Variants in TRPM6 observed in about 807,000 individuals in gnomAD.
TRPM6 encodes the protein transient receptor potential cation channel subfamily M member 6, also known as channel kinase 2.
Under a neutral mutation model 247.6 loss-of-function variants are expected in TRPM6, and 111 were observed. The ratio of observed to expected loss-of-function variants is 0.45; its 90% CI spans 0.38 to 0.52. TRPM6 has a LOEUF of 0.52. Ranked by LOEUF, TRPM6 falls within the 20% of genes least tolerant of loss-of-function variation. The pLI is 0.00. For synonymous variants in TRPM6, 892 were observed against 853.8 expected (o/e 1.04, Z -0.78); for missense variants, 2,126 against 2,421.5 (o/e 0.88, Z 2.56).
rs1404426496 is a variant in TRPM6, at chr9:74,802,175, C to G, written c.1732G>C (p.Glu578Gln). 2 of 1,613,366 alleles carry G rather than the reference C, an allele frequency of 1.2e-6. No individual in the cohort carries two copies. Among genetic ancestry groups the G allele is most frequent in the Non-Finnish European group, 8.5e-7 (1 of 1,179,606 alleles). Residue 578 changes from glutamate (E) to glutamine (Q), a missense_variant and splice_region_variant, in exon 16 of 39, where the codon GAA (glutamate) becomes CAA (glutamine). Physicochemically the swap from Glu to Gln is conservative, Grantham distance 29. Around this residue, in one of 3 missense-constraint regions of TRPM6, gnomAD observed 1,082 missense variants for 1,307.9 expected, o/e 0.83. Coordinates refer to ENST00000360774, the MANE Select transcript of TRPM6 (RefSeq NM_017662.5). ...GATTTATGAAGGACTATAGACTTTTCCTGTTGGAAAATAAAATAGGAATGA... is the reference window on the plus strand; with the variant it reads ...GATTTATGAAGGACTATAGACTTTTGCTGTTGGAAAATAAAATAGGAATGA... ...IRTAQPYKFK[E>Q]KSIVLHKSRK...
At chr9:74,831,568 A>T (rs1829548270) in intron 6 of TRPM6, among the ~76,000 whole-genome samples, 1 of 152,186 alleles carries the variant, frequency 6.6e-6, no homozygotes, top group South Asian at 2.1e-4. Flanking sequence ...AAATATACAC[A>T]ATGAGCCTGG....
chr9:74,849,468 A>T (rs1292869429), intron 3 of TRPM6, among the ~76,000 whole-genome samples: 1 of 152,196 alleles, frequency 6.6e-6, no homozygotes, highest in African/African-American at 2.4e-5. Flanking sequence ...CACACAGAGA[A>T]AAACCATCTG....
Position 74,887,836 on chromosome 9 carries a change from C to CA in TRPM6, c.20dup (p.Leu7PhefsTer12). The CA allele has an allele frequency of 6.2e-7, 1 of 1,614,128 alleles. No homozygotes were observed. The highest frequency in any genetic ancestry group is 8.5e-7 in the Non-Finnish European group (1 of 1,180,034). On this transcript the variant is annotated frameshift_variant, in exon 1 of 39. Coordinates refer to ENST00000360774, the MANE Select transcript of TRPM6 (RefSeq NM_017662.5). LOFTEE classifies it high-confidence loss of function. ...AGCCTGAGCTTACCTGCAAGCGCTC[C>CA]AAGACAGGTTGTTCTTTCATCTTTG...
At chr9:74,725,103 C>G (rs989820870) in intron 38 of TRPM6, among the ~76,000 whole-genome samples, 1 of 152,104 alleles carries the variant, frequency 6.6e-6, no homozygotes, top group South Asian at 2.1e-4. Flanking sequence ...GAGAGGTCAG[C>G]CAAGAAGGCT....
intron 38 of TRPM6, among the ~76,000 whole-genome samples, chr9:74,725,411 A>ATACATAT (rs1287756240): frequency 6.6e-6 from 1 of 152,174 alleles, no homozygotes; most frequent in Non-Finnish European, 1.5e-5. Flanking sequence ...AATAAAACTA[A>ATACATAT]TACATATTAT....
chr9:74,781,536 C>CAAAAAAAAAAAAAAA (rs35938872), intron 23 of TRPM6, among the ~76,000 whole-genome samples: 1 of 93,522 alleles, frequency 1.1e-5, no homozygotes, highest in Non-Finnish European at 2.0e-5. Flanking sequence ...GACTCTATCT[C>CAAAAAAAAAAAAAAA]AAAAAAAAAA....
At chr9:74,794,912 C>G (rs1828035812) in intron 18 of TRPM6, among the ~76,000 whole-genome samples, 1 of 122,706 alleles carries the variant, frequency 8.1e-6, no homozygotes, top group Non-Finnish European at 1.6e-5. Context: ...TAATTGTAAT[C>G]TGATACACAG....
chr9:74,843,868 G>C (rs1029344285), intron 3 of TRPM6, among the ~76,000 whole-genome samples: 8 of 151,928 alleles, frequency 5.3e-5, no homozygotes, highest in Non-Finnish European at 8.8e-5. Context: ...TGATCCATGG[G>C]CTGGGGCTGC....
intron 1 of TRPM6, among the ~76,000 whole-genome samples, chr9:74,873,037 C>T (rs924259130): frequency 6.6e-6 from 1 of 152,214 alleles, no homozygotes; most frequent in Non-Finnish European, 1.5e-5. Context: ...CTTTACAGAG[C>T]ATTGCCTGCC....
In TRPM6 at chr9:74,865,589, C is replaced by A. The variant is rs888269862; in HGVS notation, c.34-6841G>T. On this transcript the variant is annotated intron_variant, in intron 1 of 38. Transcript: ENST00000360774. ...ATTTTCCACCTACATGCACTCAATT[C>A]TCTCCAATTTCCAAGCTCCAAAATG... Among the ~76,000 whole-genome samples, 4 of 152,210 alleles carry A rather than the reference C, an allele frequency of 2.6e-5. No individual in the cohort carries two copies. In the East Asian group the frequency reaches 7.7e-4, roughly 29 times the overall value.
intron 7 of TRPM6, among the ~76,000 whole-genome samples, chr9:74,822,684 T>G (rs1347432567): frequency 1.3e-5 from 2 of 152,108 alleles, no homozygotes; most frequent in Non-Finnish European, 2.9e-5. Flanking sequence ...TTACCTTTTT[T>G]TCTTGCAGAC....
intron 28 of TRPM6, among the ~76,000 whole-genome samples, chr9:74,752,873 G>A (rs983744510): frequency 2.6e-5 from 4 of 152,148 alleles, no homozygotes; most frequent in Non-Finnish European, 5.9e-5. Context: ...AACACTTTGG[G>A]AGGCCAAGGC....
At chr9:74,820,177 C>T in intron 9 of TRPM6, 127 bp downstream of exon 9, 2 of 1,047,260 alleles carry the variant, frequency 1.9e-6, no homozygotes, top group Non-Finnish European at 2.9e-6. Flanking sequence ...TCCACCCTGA[C>T]AGGCCCCTGT....
chr9:74,771,660 T>G, intron 25 of TRPM6, 43 bp downstream of exon 25: 1 of 1,599,594 alleles, frequency 6.3e-7, no homozygotes, highest in Non-Finnish European at 8.6e-7. Context: ...CAGAATCACG[T>G]TGTGTTAGTG....
rs7018994 is a variant in TRPM6, at chr9:74,821,725, G to A, written c.954C>T (p.Gly318=). ...KDKDPVVVCE[G]TGRAADLLAF... ...CCAGGAGGTCAGCCGCCCTACCTGT[G>A]CCCTCACACACCACCACTGGGTCCT... The change falls in exon 8 of 39, where the codon GGC becomes GGT. Residue 318 remains glycine, a synonymous_variant. Transcript: ENST00000360774. The A allele has an allele frequency of 0.35, 566,655 of 1,613,754 alleles. 104,185 individuals carry two copies. The highest frequency in any genetic ancestry group is 0.48 in the East Asian group (21,380 of 44,860).
chr9:74,873,146 A>T (rs914794095), intron 1 of TRPM6, among the ~76,000 whole-genome samples: 1 of 151,958 alleles, frequency 6.6e-6, no homozygotes, highest in African/African-American at 2.4e-5. Flanking sequence ...GTCTGAATTC[A>T]CCTACAGGTA....
chr9:74,730,590 C>T (rs1825487365), intron 37 of TRPM6, among the ~76,000 whole-genome samples: 1 of 152,180 alleles, frequency 6.6e-6, no homozygotes, highest in African/African-American at 2.4e-5. Context: ...CTTTAATTTA[C>T]ACCGGATCAC....
In TRPM6 at chr9:74,762,078, G is replaced by A; in HGVS notation, c.4593C>T (p.Arg1531=). The A allele has an allele frequency of 6.2e-7, 1 of 1,614,214 alleles. No individual in the cohort carries two copies. The highest frequency in any genetic ancestry group is 8.5e-7 in the Non-Finnish European group (1 of 1,180,038). ...GACTCCTAGCGAAGGGCCTGTATCT[G>A]CGGAGAGGATTGATCCAAAAGGATG... is the stretch of plus-strand genomic sequence containing the variant. ...PNTSFWINPL[R]RYRPFARSHS... is the part of the protein sequence containing the mutation. Residue 1531 remains arginine, a synonymous_variant, in exon 26 of 39, where the codon CGC becomes CGT. Coordinates refer to ENST00000360774, the MANE Select transcript of TRPM6 (RefSeq NM_017662.5).
intron 9 of TRPM6, among the ~76,000 whole-genome samples, chr9:74,817,769 C>G (rs904650649): frequency 4.0e-5 from 6 of 151,848 alleles, no homozygotes; most frequent in Non-Finnish European, 7.4e-5. Flanking sequence ...TTATTAATGG[C>G]TATATCTCAG....
Sources: allele counts gnomAD v4.1 joint callset (sites outside exome capture counted in the v4.1 genomes callset), GRCh38; gene constraint gnomAD v4.1.1; regional missense constraint gnomAD v4.1.1; transcripts MANE v1.5; gene names NCBI Gene and HGNC (gene_info 2026-07-23, HGNC 2026-07-21).